USP14: variants seen among roughly 807,000 people sequenced by gnomAD.
USP14 encodes the protein ubiquitin specific peptidase 14, also known as ubiquitin carboxyl-terminal hydrolase 14.
USP14 carries 38 observed loss-of-function variants against 76.5 expected under a neutral mutation model. That is an observed-to-expected ratio of 0.50 (90% CI 0.38 to 0.65). The LOEUF (loss-of-function observed/expected upper bound fraction) is 0.65, where lower values mean the gene tolerates loss of function less well. Among genes scored for constraint, USP14 ranks in the 30% least tolerant of loss-of-function variants. The pLI is 0.00. For missense variants in USP14, 467 were observed against 586.5 expected (o/e 0.80, Z 2.10); for synonymous variants, 192 against 191.7 (o/e 1.00, Z -0.01).
At chr18:170,305 A>G (rs2144218473) in intron 3 of USP14, among the ~76,000 whole-genome samples, 1 of 152,242 alleles carries the variant, frequency 6.6e-6, no homozygotes, top group East Asian at 1.9e-4. Context: ...CTCTGTCTCA[A>G]AAATAAACAA....
chr18:171,022 AAAAATAT>A (rs1415214231), intron 3 of USP14, among the ~76,000 whole-genome samples: 3 of 74,170 alleles, frequency 4.0e-5, no homozygotes, highest in Middle Eastern at 5.3e-3. Flanking sequence ...AAAAAAAAAA[AAAAATAT>A]ATATATATAT....
chr18:168,920 C>T (rs1209161666), intron 3 of USP14, among the ~76,000 whole-genome samples: 1 of 145,208 alleles, frequency 6.9e-6, no homozygotes, highest in Admixed American at 6.9e-5. Flanking sequence ...AAAAAAAATA[C>T]AAAACAATTA....
At chr18:180,421 T>A in intron 5 of USP14, 82 bp downstream of exon 5, 1 of 776,230 alleles carries the variant, frequency 1.3e-6, no homozygotes, top group Non-Finnish European at 2.1e-6. Flanking sequence ...TTTAGCATCT[T>A]AATTGAGATA....
chr18:163,180 T>C, intron 1 of USP14, 128 bp from the exon 2 acceptor site: 1 of 782,036 alleles, frequency 1.3e-6, no homozygotes, highest in South Asian at 2.1e-5. Context: ...ATTAGGTAAG[T>C]GTTATGGGCA....
At chr18:198,744 G>A (rs1325653787) in intron 9 of USP14, among the ~76,000 whole-genome samples, 1 of 151,688 alleles carries the variant, frequency 6.6e-6, no homozygotes, top group East Asian at 1.9e-4. Flanking sequence ...TTTCTTATAT[G>A]TCAAGGTGAC....
At position 171,009 on chromosome 18, in the gene USP14, TAA is replaced by T. The variant is rs145131497; in HGVS notation, c.195+4206_195+4207del. Among the ~76,000 whole-genome samples the T allele has an allele frequency of 4.1e-3, 378 of 91,658 alleles. 2 individuals carry two copies. Among genetic ancestry groups the T allele is most frequent in the Admixed American group, 5.5e-3 (41 of 7,424 alleles). 60.1% of individuals were successfully genotyped at this position (91,658 alleles called of 152,430 possible). ...CATCCTGGACATGTACCCTGGAACT[TAA>T]AAAAAAAAAAAAAAATATATATATA... On this transcript the variant is annotated intron_variant, in intron 3 of 15. Transcript: ENST00000261601.
chr18:199,215 G>T lies in USP14; in HGVS notation c.775G>T (p.Glu259Ter). 6.2e-7 allele frequency: 1 copy of T among 1,612,840 alleles called. No individual in the cohort carries two copies. The highest frequency in any genetic ancestry group is 1.1e-5 in the South Asian group (1 of 91,024). ...TAGTTTACAAAGCATGAAATGTACA[G>T]AATCTGAAGAAGAAGAAGTCACCAA... ...VEFETTMKCT[E>*]SEEEEVTKGK... Residue 259 changes from glutamate to a stop codon, truncating the protein, a stop_gained, in exon 10 of 16, where the codon GAA becomes TAA. Coordinates refer to ENST00000261601, the MANE Select transcript of USP14 (RefSeq NM_005151.4). LOFTEE classifies it high-confidence loss of function.
intron 2 of USP14, among the ~76,000 whole-genome samples, chr18:166,100 C>T (rs1198363902): frequency 1.3e-5 from 2 of 152,124 alleles, no homozygotes; most frequent in African/African-American, 4.8e-5. Context: ...ATTCTTGCCA[C>T]GTAAGCTTGT....
At chr18:177,772 G>A (rs1019660825) in intron 3 of USP14, among the ~76,000 whole-genome samples, 1 of 151,848 alleles carries the variant, frequency 6.6e-6, no homozygotes, top group Non-Finnish European at 1.5e-5. Flanking sequence ...CAATGACAGT[G>A]TCTTCCTTGT....
At chr18:163,213 T>C in intron 1 of USP14, 95 bp from the exon 2 acceptor site, 1 of 1,166,174 alleles carries the variant, frequency 8.6e-7, no homozygotes, top group East Asian at 2.6e-5. Context: ...TGACATGTTT[T>C]GACTCCCGAT....
chr18:206,884 T>C (rs1461455873), intron 13 of USP14, among the ~76,000 whole-genome samples: 1 of 152,128 alleles, frequency 6.6e-6, no homozygotes, highest in Non-Finnish European at 1.5e-5. Flanking sequence ...CTGGGCAACA[T>C]TGCCCAGTCC....
chr18:165,537 A>T (rs1188812717), intron 2 of USP14, among the ~76,000 whole-genome samples: 1 of 152,224 alleles, frequency 6.6e-6, no homozygotes, highest in Non-Finnish European at 1.5e-5. Flanking sequence ...AATGGTTACC[A>T]TTTATTGAGT....
intron 12 of USP14, 127 bp from the exon 13 acceptor site, chr18:204,437 A>G: frequency 1.1e-6 from 1 of 892,384 alleles, no homozygotes; most frequent in South Asian, 2.4e-5. Flanking sequence ...CAGATTTCCA[A>G]GTGATTTTCA....
chr18:162,141 G>A (rs936889165), intron 1 of USP14, among the ~76,000 whole-genome samples: 3 of 152,072 alleles, frequency 2.0e-5, no homozygotes, highest in Admixed American at 1.3e-4. Context: ...CCATTAATTG[G>A]TTGATGGACA....
Position 214,483 on chromosome 18 carries a change from T to A in USP14, c.*3199T>A. The A allele has an allele frequency of 2.9e-6, 2 of 693,836 alleles. No individual in the cohort carries two copies. Among genetic ancestry groups the A allele is most frequent in the Non-Finnish European group, 4.7e-6 (2 of 424,964 alleles). 43.0% of individuals were successfully genotyped at this position (693,836 alleles called of 1,614,324 possible). On this transcript the variant is annotated 3_prime_UTR_variant, in exon 16 of 16. Coordinates refer to ENST00000261601, the MANE Select transcript of USP14 (RefSeq NM_005151.4). ...AACTCTGGTTTGAGCCAATATGTGT[T>A]CTATTGTTCTCAGAGCACCAGCCGA...
At chr18:158,804 GGA>G in intron 1 of USP14, 90 bp downstream of exon 1, 1 of 1,287,094 alleles carries the variant, frequency 7.8e-7, no homozygotes, top group Non-Finnish European at 9.8e-7. Flanking sequence ...CACCCGGCAT[GGA>G]CTGGGAGGGG....
intron 2 of USP14, among the ~76,000 whole-genome samples, chr18:163,808 C>T (rs1452543937): frequency 1.4e-5 from 2 of 146,960 alleles, no homozygotes; most frequent in Non-Finnish European, 3.0e-5. Context: ...GCATAGTACC[C>T]GATAGGTAGT....
chr18:199,475 C>G (rs996824371), intron 10 of USP14, among the ~76,000 whole-genome samples, 159 bp downstream of exon 10: 2 of 152,180 alleles, frequency 1.3e-5, no homozygotes, highest in African/African-American at 2.4e-5. Context: ...TGAGGTCAAA[C>G]AAGTACTTGG....
At chr18:179,610 T>G (rs533077309) in intron 4 of USP14, among the ~76,000 whole-genome samples, 1 of 145,942 alleles carries the variant, frequency 6.9e-6, no homozygotes, top group East Asian at 2.0e-4. Context: ...TTCCTTGAGA[T>G]GGGGTCTTGC....
Sources: gnomAD v4.1 joint callset for allele counts (sites outside exome capture counted in the v4.1 genomes callset) on GRCh38, gnomAD v4.1.1 for gene constraint, MANE v1.5 for transcripts, NCBI Gene and HGNC (gene_info 2026-07-23, HGNC 2026-07-21) for gene names.